FILIP1L: variants seen among roughly 807,000 people sequenced by gnomAD.
FILIP1L encodes filamin A interacting protein 1 like.
Under a neutral mutation model 96.6 loss-of-function variants are expected in FILIP1L, and 55 were observed. The ratio of observed to expected loss-of-function variants is 0.57; its 90% CI spans 0.46 to 0.71. FILIP1L has a LOEUF of 0.71. FILIP1L is among the 30% of genes least tolerant of loss of function. The pLI is 0.00. For missense variants in FILIP1L, 1,304 were observed against 1,321.2 expected (o/e 0.99, Z 0.20); for synonymous variants, 467 against 473.9 (o/e 0.99, Z 0.19).
chr3:99,867,741 C>T (rs1225989552), intron 4 of FILIP1L, among the ~76,000 whole-genome samples: 1 of 152,144 alleles, frequency 6.6e-6, no homozygotes, highest in African/African-American at 2.4e-5. Flanking sequence ...TCCCTTCTTT[C>T]CTATATAACA....
At chr3:99,972,574 C>T (rs1236518991) in intron 1 of FILIP1L, among the ~76,000 whole-genome samples, 1 of 152,190 alleles carries the variant, frequency 6.6e-6, no homozygotes, top group Admixed American at 6.5e-5. Context: ...CCCAGTCATT[C>T]TTTCCAGAGT....
At chr3:99,914,550 G>T (rs1706892810) in intron 4 of FILIP1L, among the ~76,000 whole-genome samples, 1 of 152,068 alleles carries the variant, frequency 6.6e-6, no homozygotes, top group African/African-American at 2.4e-5. Context: ...TGTTTAAATT[G>T]AGGTCAGATT....
intron 1 of FILIP1L, among the ~76,000 whole-genome samples, chr3:99,936,927 T>C (rs1486909370): frequency 6.6e-6 from 1 of 152,108 alleles, no homozygotes; most frequent in Non-Finnish European, 1.5e-5. Context: ...TTAACTAGCT[T>C]ATTTTCTTTT....
chr3:99,832,766 C>T (rs1410400422), intron 5 of FILIP1L, among the ~76,000 whole-genome samples: 1 of 143,982 alleles, frequency 6.9e-6, no homozygotes, highest in Non-Finnish European at 1.5e-5. Context: ...CTTGAACCCA[C>T]GAGGCGGAGG....
intron 4 of FILIP1L, among the ~76,000 whole-genome samples, chr3:99,851,675 CAA>C (rs1425672343): frequency 2.0e-5 from 3 of 152,072 alleles, no homozygotes; most frequent in Non-Finnish European, 4.4e-5. Flanking sequence ...TTGCTTGAAC[CAA>C]AGTGTTCAAT....
intron 4 of FILIP1L, among the ~76,000 whole-genome samples, chr3:99,881,051 C>T (rs141993997): frequency 6.6e-6 from 1 of 152,196 alleles, no homozygotes; most frequent in East Asian, 1.9e-4. Flanking sequence ...CCTAACATTG[C>T]CACGGTCTTG....
intron 1 of FILIP1L, among the ~76,000 whole-genome samples, chr3:100,100,366 A>G (rs73859923): frequency 4.1e-4 from 62 of 152,338 alleles, no homozygotes; most frequent in African/African-American, 1.3e-3. Context: ...ACCATGTACT[A>G]TACTTGGCTG....
chr3:99,913,200 C>T (rs1429815368), intron 4 of FILIP1L, among the ~76,000 whole-genome samples: 1 of 152,178 alleles, frequency 6.6e-6, no homozygotes, highest in Admixed American at 6.5e-5. Context: ...TGTTTACAAG[C>T]CACCCAATCT....
chr3:99,930,682 A>T, intron 2 of FILIP1L, 87 bp downstream of exon 2: 1 of 1,411,010 alleles, frequency 7.1e-7, no homozygotes, highest in Non-Finnish European at 9.8e-7. Context: ...TGAACCACAG[A>T]TATCTATTTC....
chr3:99,998,680 A>T (rs1709753506), intron 1 of FILIP1L, among the ~76,000 whole-genome samples: 1 of 152,190 alleles, frequency 6.6e-6, no homozygotes, highest in African/African-American at 2.4e-5. Context: ...CTCCCGCCTC[A>T]GCCTCCCCAG....
intron 1 of FILIP1L, among the ~76,000 whole-genome samples, chr3:100,001,070 A>G (rs959668500): frequency 7.9e-5 from 12 of 152,170 alleles, no homozygotes; most frequent in African/African-American, 2.2e-4. Context: ...TCCCAAAAAT[A>G]TTATTGTGCC....
intron 4 of FILIP1L, among the ~76,000 whole-genome samples, chr3:99,886,490 G>A (rs1043645458): frequency 2.0e-5 from 3 of 152,086 alleles, no homozygotes; most frequent in African/African-American, 7.2e-5. Context: ...ATTCAAAGCT[G>A]TCCTGGGTCA....
chr3:100,014,895 C>CTTTTTTTTTTTTTTTTTTTTTTTTTCTTT (rs1233573719), intron 1 of FILIP1L, among the ~76,000 whole-genome samples: 1 of 25,006 alleles, frequency 4.0e-5, no homozygotes, highest in Non-Finnish European at 7.0e-5. Context: ...TTCTTTCTTT[C>CTTTTTTTTTTTTTTTTTTTTTTTTTCTTT]TTTTTTTTTT....
intron 4 of FILIP1L, among the ~76,000 whole-genome samples, chr3:99,881,733 A>G (rs763373833): frequency 1.3e-5 from 2 of 152,276 alleles, no homozygotes; most frequent in African/African-American, 4.8e-5. Flanking sequence ...GGGTTTCACC[A>G]TGTTGGCCAG....
intron 1 of FILIP1L, among the ~76,000 whole-genome samples, chr3:100,079,065 G>A (rs1251789553): frequency 2.6e-5 from 4 of 152,166 alleles, no homozygotes; most frequent in Admixed American, 6.5e-5. Flanking sequence ...CAAGACCTCT[G>A]CAATAGCATT....
intron 5 of FILIP1L, among the ~76,000 whole-genome samples, chr3:99,843,129 T>C (rs1461128209): frequency 9.2e-5 from 14 of 152,248 alleles, no homozygotes; most frequent in Non-Finnish European, 1.8e-4. Flanking sequence ...TTTGCTTCAC[T>C]GTGCCATAAG....
At chr3:100,013,412 T>C (rs551244568) in intron 1 of FILIP1L, among the ~76,000 whole-genome samples, 4 of 151,722 alleles carry the variant, frequency 2.6e-5, no homozygotes, top group African/African-American at 9.7e-5. Context: ...CCCAGCTAAT[T>C]TTTATATTTT....
chr3:100,054,150 T>G (rs1415131561), intron 1 of FILIP1L, among the ~76,000 whole-genome samples: 1 of 152,214 alleles, frequency 6.6e-6, no homozygotes, highest in Non-Finnish European at 1.5e-5. Flanking sequence ...AGTGTTTAAA[T>G]CCCTTCCTTA....
chr3:99,965,217 A>G (rs944399248), intron 1 of FILIP1L, among the ~76,000 whole-genome samples: 1 of 152,260 alleles, frequency 6.6e-6, no homozygotes, highest in African/African-American at 2.4e-5. Flanking sequence ...TGAAACAAAT[A>G]TATGAGTCAG....
Sources: gnomAD v4.1 joint callset for allele counts (sites outside exome capture counted in the v4.1 genomes callset) on GRCh38, gnomAD v4.1.1 for gene constraint, MANE v1.5 for transcripts, NCBI Gene and HGNC (gene_info 2026-07-23, HGNC 2026-07-21) for gene names.